ADAMTS9: variants seen among roughly 807,000 people sequenced by gnomAD.
ADAMTS9 encodes A disintegrin and metalloproteinase with thrombospondin motifs 9.
A neutral mutation model predicts 257.1 loss-of-function variants in ADAMTS9; 107 were observed. The ratio of observed to expected loss-of-function variants is 0.42; its 90% CI spans 0.36 to 0.49. The LOEUF (loss-of-function observed/expected upper bound fraction) is 0.49. ADAMTS9 is among the 20% of genes least tolerant of loss of function. The pLI is 0.03. For missense variants in ADAMTS9, 2,353 were observed against 2,469.1 expected (o/e 0.95, Z 1.00); for synonymous variants, 982 against 880.9 (o/e 1.11, Z -2.03).
intron 23 of ADAMTS9, among the ~76,000 whole-genome samples, chr3:64,605,180 G>A (rs940937247): frequency 1.3e-5 from 2 of 152,124 alleles, no homozygotes; most frequent in African/African-American, 4.8e-5. Flanking sequence ...AAGCCACCGG[G>A]AACTTTTTAC....
intron 14 of ADAMTS9, 74 bp from the exon 15 acceptor site, chr3:64,631,999 T>G: frequency 1.7e-6 from 2 of 1,162,010 alleles, no homozygotes; most frequent in Non-Finnish European, 2.5e-6. Context: ...TGTGTTTCTT[T>G]TAATCGTGTG....
At chr3:64,561,326 T>G (rs1359905012) in intron 30 of ADAMTS9, 2 of 315,980 alleles carry the variant, frequency 6.3e-6, no homozygotes, top group Non-Finnish European at 1.1e-5. Context: ...TTAAAGTTTT[T>G]TTTTTTTTTT....
intron 22 of ADAMTS9, among the ~76,000 whole-genome samples, chr3:64,609,299 T>C (rs951323656): frequency 2.0e-5 from 3 of 151,972 alleles, no homozygotes; most frequent in African/African-American, 7.2e-5. Context: ...AAAGAAATAT[T>C]AATAAAAGAC....
At chr3:64,604,206 T>C in intron 24 of ADAMTS9, 21 bp downstream of exon 24, 1 of 1,606,926 alleles carries the variant, frequency 6.2e-7, no homozygotes, top group Non-Finnish European at 8.5e-7. Flanking sequence ...CCCTCCCCAT[T>C]TCTCCCAGTC....
intron 12 of ADAMTS9, among the ~76,000 whole-genome samples, chr3:64,635,716 G>A (rs1171619070): frequency 1.3e-5 from 2 of 152,128 alleles, no homozygotes; most frequent in Non-Finnish European, 2.9e-5. Flanking sequence ...TCTTCTCTGT[G>A]CACGTCTGCT....
intron 14 of ADAMTS9, 88 bp downstream of exon 14, chr3:64,633,384 A>C: frequency 6.4e-7 from 1 of 1,559,538 alleles, no homozygotes; most frequent in Non-Finnish European, 8.7e-7. Flanking sequence ...GTGCACAGAT[A>C]CTAGCAGTTG....
intron 28 of ADAMTS9, 51 bp from the exon 29 acceptor site, chr3:64,568,586 G>A: frequency 6.3e-7 from 1 of 1,594,700 alleles, no homozygotes; most frequent in Non-Finnish European, 8.5e-7. Flanking sequence ...ATTACACGGA[G>A]TTTGAGAAAA....
At chr3:64,548,886 C>T (rs1006388285) in intron 31 of ADAMTS9, among the ~76,000 whole-genome samples, 2 of 152,220 alleles carry the variant, frequency 1.3e-5, no homozygotes, top group African/African-American at 2.4e-5. Flanking sequence ...AACAATAAGA[C>T]TGTGGGCTCC....
chr3:64,630,133 C>CTCTTCAT lies in ADAMTS9; in HGVS notation c.2389+1321_2389+1322insATGAAGA, dbSNP rs1482770717. ...ATTCTAGATCTGAGTGTAAGCCATGCGGCTGGGAAGAGTTTTGTGTAAGGT... is the reference window on the plus strand; with the variant it reads ...ATTCTAGATCTGAGTGTAAGCCATGCTCTTCATGGCTGGGAAGAGTTTTGTGTAAGGT... On this transcript the variant is annotated intron_variant, in intron 16 of 39. Transcript: ENST00000498707. Among the ~76,000 whole-genome samples, 64 of 35,828 alleles carry CTCTTCAT rather than the reference C, an allele frequency of 1.8e-3. No homozygotes were observed. In the African/African-American group the frequency reaches 0.022, roughly 13 times the overall value. 23.5% of individuals were successfully genotyped at this position (35,828 alleles called of 152,430 possible).
chr3:64,539,291 G>A lies in ADAMTS9; in HGVS notation c.5525C>T (p.Thr1842Ile), dbSNP rs1416026637. Residue 1842 changes from threonine (T) to isoleucine (I), a missense_variant, in exon 37 of 40, where the codon ACT (threonine) becomes ATT (isoleucine). Physicochemically the swap from Thr to Ile is moderately conservative, Grantham distance 89 (BLOSUM62 -1). Coordinates refer to ENST00000498707, the MANE Select transcript of ADAMTS9 (RefSeq NM_182920.2). The part of the protein sequence containing the change: ...IDLTSMQIIT[T>I]DLQFARTSEG... ...GCTTGTCCTTGCAAACTGTAAGTCA[G>A]TGGCTGTGGGGTGGAGAAGGGGTTA... The A allele has an allele frequency of 1.9e-6, 3 of 1,613,826 alleles. No individual in the cohort carries two copies. Among genetic ancestry groups the A allele is most frequent in the African/African-American group, 1.3e-5 (1 of 74,920 alleles).
chr3:64,638,415 T>G (rs978181308), intron 12 of ADAMTS9, among the ~76,000 whole-genome samples: 2 of 152,122 alleles, frequency 1.3e-5, no homozygotes, highest in Non-Finnish European at 2.9e-5. Flanking sequence ...GATTTTAAAT[T>G]TTACTCTATT....
intron 12 of ADAMTS9, among the ~76,000 whole-genome samples, chr3:64,637,264 A>G (rs761198623): frequency 2.0e-5 from 3 of 152,222 alleles, no homozygotes; most frequent in Non-Finnish European, 2.9e-5. Context: ...TAATTTAATT[A>G]TTTAGCTGAA....
chr3:64,525,321 C>T (rs1559746192), intron 38 of ADAMTS9, among the ~76,000 whole-genome samples: 1 of 152,194 alleles, frequency 6.6e-6, no homozygotes, highest in Non-Finnish European at 1.5e-5. Flanking sequence ...ATTATGGCCT[C>T]ATATTCCATT....
At chr3:64,576,761 G>A (rs1052320226) in intron 28 of ADAMTS9, among the ~76,000 whole-genome samples, 1 of 152,190 alleles carries the variant, frequency 6.6e-6, no homozygotes, top group South Asian at 2.1e-4. Flanking sequence ...TCCAGCCTTT[G>A]CAACGCTACA....
intron 37 of ADAMTS9, among the ~76,000 whole-genome samples, chr3:64,535,869 T>G (rs2083043816): frequency 6.6e-6 from 1 of 151,930 alleles, no homozygotes; most frequent in Admixed American, 6.6e-5. Context: ...TTTTCTTATC[T>G]TACTATCATT....
At chr3:64,619,620 G>T (rs1393095810) in intron 19 of ADAMTS9, among the ~76,000 whole-genome samples, 1 of 151,992 alleles carries the variant, frequency 6.6e-6, no homozygotes, top group African/African-American at 2.4e-5. Flanking sequence ...AATAGATAAT[G>T]GGATAATATA....
At chr3:64,599,401 TG>T (rs562833924) in intron 26 of ADAMTS9, among the ~76,000 whole-genome samples, 1 of 152,240 alleles carries the variant, frequency 6.6e-6, no homozygotes, top group Non-Finnish European at 1.5e-5. Context: ...ACTTGAAATT[TG>T]TCATCCACAA....
intron 12 of ADAMTS9, among the ~76,000 whole-genome samples, chr3:64,636,086 A>ATT (rs11426129): frequency 7.1e-4 from 108 of 151,596 alleles, no homozygotes; most frequent in Middle Eastern, 3.4e-3. Context: ...TTTTAAATTG[A>ATT]TTTTTTTTGT....
chr3:64,651,024 A>T lies in ADAMTS9; in HGVS notation c.1456T>A (p.Phe486Ile). 5.0e-6 allele frequency: 8 copies of T among 1,602,546 alleles called. No individual in the cohort carries two copies. The highest frequency in any genetic ancestry group is 2.3e-5 in the East Asian group (1 of 43,868). ...AGAATGTTCAAGTCTTACTCTAAAA[A>T]CTCAGTGATATATTTTCGACTACAC... ...SKCSRKYITE[F>I]LDTGYGECLL... Residue 486 changes from phenylalanine to isoleucine, a missense_variant, in exon 9 of 40, where the codon TTT (phenylalanine) becomes ATT (isoleucine). Phe to Ile is a conservative substitution (Grantham distance 21). Transcript: ENST00000498707.
Sources: gnomAD v4.1 joint callset for allele counts (sites outside exome capture counted in the v4.1 genomes callset) on GRCh38, gnomAD v4.1.1 for gene constraint, MANE v1.5 for transcripts, NCBI Gene and HGNC (gene_info 2026-07-23, HGNC 2026-07-21) for gene names.